The following PI4K2A variants were observed in gnomAD, a reference collection of about 807,000 sequenced individuals.
PI4K2A encodes phosphatidylinositol 4-kinase type 2-alpha.
Under a neutral mutation model 55.0 loss-of-function variants are expected in PI4K2A, and 20 were observed. That is an observed-to-expected ratio of 0.36 (90% CI 0.26 to 0.53). The LOEUF (loss-of-function observed/expected upper bound fraction) is 0.53. PI4K2A is among the 20% of genes least tolerant of loss of function. The pLI is 0.91. For missense variants in PI4K2A, 463 were observed against 637.1 expected, an observed-to-expected ratio of 0.73 and a Z score of 2.94; for synonymous variants, 235 against 258.5, an observed-to-expected ratio of 0.91 and a Z score of 0.87.
exon 1 of PI4K2A, chr10:97,640,938 C>T (rs1308600104): frequency 1.4e-6 from 2 of 1,388,494 alleles, no homozygotes; most frequent in Non-Finnish European, 1.8e-6. Flanking sequence ...GGATCGGGCC[C>T]GGGGCGCGGC....
At chr10:97,663,540 G>C (rs542530457) in intron 5 of PI4K2A, among the ~76,000 whole-genome samples, 56 of 149,664 alleles carry the variant, frequency 3.7e-4, no homozygotes, top group Non-Finnish European at 7.4e-4. Flanking sequence ...TAAGAAACAG[G>C]GTTGGCCGGG....
chr10:97,643,237 C>T (rs1173772410), intron 1 of PI4K2A, among the ~76,000 whole-genome samples: 1 of 152,056 alleles, frequency 6.6e-6, no homozygotes, highest in African/African-American at 2.4e-5. Flanking sequence ...CATCCTCTTG[C>T]CTCAGCCTCC....
At chr10:97,674,574 T>C (rs1188608874) in exon 9 of PI4K2A, 1 of 152,256 alleles carries the variant, frequency 6.6e-6, no homozygotes, top group Admixed American at 6.5e-5. Context: ...TGCCGGGAGC[T>C]AAGTGGTCTA....
At chr10:97,666,916 G>C (rs1439037133) in intron 7 of PI4K2A, 145 bp from the exon 8 acceptor site, 1 of 671,172 alleles carries the variant, frequency 1.5e-6, no homozygotes, top group Non-Finnish European at 2.7e-6. Flanking sequence ...GTAAAGCAGG[G>C]AGTTCTTGTG....
Position 97,656,938 on chromosome 10 carries a change from C to T in PI4K2A, c.886C>T (p.Arg296Trp), listed in dbSNP as rs750236260. ...CCGGCAACTACTGCTCCAGTTTGAG[C>T]GGTTGGTGGTGCTGGATTACATCAT... is the stretch of plus-strand genomic sequence containing the variant. The change falls in exon 4 of 9, where the codon CGG becomes TGG. Residue 296 changes from arginine (R) to tryptophan (W), a missense_variant. Coordinates refer to ENST00000370631, the Ensembl canonical transcript of PI4K2A. This position sits in a 1 kb window ranked among gnomAD's most constrained non-coding sequence, Gnocchi z 4.5. 13 of 1,614,110 alleles carry T rather than the reference C, an allele frequency of 8.1e-6. No individual in the cohort carries two copies. The highest frequency in any genetic ancestry group is 1.1e-5 in the South Asian group (1 of 91,080).
chr10:97,662,768 A>G (rs988719063), intron 4 of PI4K2A, 139 bp from the exon 5 acceptor site: 13 of 663,016 alleles, frequency 2.0e-5, no homozygotes, highest in Non-Finnish European at 3.3e-5. Flanking sequence ...CTTAAAAAAG[A>G]TCTAAAAATA....
chr10:97,645,761 C>T (rs2041502241), intron 1 of PI4K2A, among the ~76,000 whole-genome samples: 1 of 151,650 alleles, frequency 6.6e-6, no homozygotes, highest in Non-Finnish European at 1.5e-5. Context: ...CCCTGTCGCC[C>T]AGGCTGGAGT....
chr10:97,648,517 C>T (rs2041515972), intron 1 of PI4K2A, among the ~76,000 whole-genome samples: 1 of 152,194 alleles, frequency 6.6e-6, no homozygotes, highest in Non-Finnish European at 1.5e-5. Context: ...CCAACTTTTT[C>T]TGTCTTTAAG....
chr10:97,660,403 C>T (rs562461591), intron 4 of PI4K2A, among the ~76,000 whole-genome samples: 1 of 150,206 alleles, frequency 6.7e-6, no homozygotes, highest in Non-Finnish European at 1.5e-5. Context: ...TCAAGTGATT[C>T]TCCTGCCTCA....
chr10:97,665,003 G>A lies in PI4K2A; in HGVS notation c.1084+19G>A, dbSNP rs748338238. ...AGGGCATGTAAGTCTCCAGACAATG[G>A]TGGTCTGGCTCTTCCCTTGCTCAGT... On this transcript the variant is annotated intron_variant, in intron 6 of 8. Transcript: ENST00000370631. The A allele has an allele frequency of 6.2e-6, 9 of 1,456,070 alleles. No individual in the cohort carries two copies. The highest frequency in any genetic ancestry group is 8.7e-6 in the Non-Finnish European group (9 of 1,036,126). The allele number at this position is 1,456,070 out of a possible 1,614,324, so 90.2% of individuals were successfully genotyped here.
chr10:97,662,909 C>A (rs766055659), exon 5 of PI4K2A: 1 of 1,602,788 alleles, frequency 6.2e-7, no homozygotes, highest in South Asian at 1.1e-5. Context: ...GTTCACAGAT[C>A]GAGGCAATGA....
At chr10:97,673,649 G>A (rs751509148) in exon 9 of PI4K2A, 6 of 1,614,104 alleles carry the variant, frequency 3.7e-6, no homozygotes, top group Non-Finnish European at 2.5e-6. Flanking sequence ...TGCCACCTGT[G>A]ATTGTCGAGA....
At chr10:97,653,973 T>C (rs1484768249) in intron 2 of PI4K2A, among the ~76,000 whole-genome samples, 1 of 152,198 alleles carries the variant, frequency 6.6e-6, no homozygotes, top group East Asian at 1.9e-4. Context: ...CTTTGGAAGC[T>C]TAACATATAG....
rs189222653 is a variant in PI4K2A at position 97,643,736 on chromosome 10, C to G, written c.435+2559C>G. On this transcript the variant is annotated intron_variant, in intron 1 of 8. Transcript: ENST00000370631. ...AAATGCTTGCGGTGGGTTAGACTGG[C>G]CCACAGACTTACTGTAGTTGGAATT... Among the ~76,000 whole-genome samples the G allele has an allele frequency of 2.7e-3, 417 of 152,310 alleles. 3 individuals carry two copies. The highest frequency in any genetic ancestry group is 9.7e-3 in the African/African-American group (403 of 41,562).
intron 6 of PI4K2A, 103 bp from the exon 7 acceptor site, chr10:97,666,335 G>A: frequency 3.0e-6 from 3 of 1,004,554 alleles, no homozygotes; most frequent in Admixed American, 2.3e-5. Flanking sequence ...TGTATGTCAG[G>A]GAAGAGGGGT....
At chr10:97,668,462 C>T (rs996119603) in intron 8 of PI4K2A, among the ~76,000 whole-genome samples, 3 of 152,116 alleles carry the variant, frequency 2.0e-5, no homozygotes, top group African/African-American at 7.2e-5. Flanking sequence ...CCTGTAATCC[C>T]AGCTACTCAG....
chr10:97,670,739 T>C (rs1240251642), intron 8 of PI4K2A, among the ~76,000 whole-genome samples: 3 of 152,170 alleles, frequency 2.0e-5, no homozygotes, highest in Non-Finnish European at 2.9e-5. Flanking sequence ...TGTAAGAGGA[T>C]ATTTGTGGCT....
chr10:97,653,580 G>A (rs1430436355), intron 2 of PI4K2A, among the ~76,000 whole-genome samples: 1 of 152,128 alleles, frequency 6.6e-6, no homozygotes, highest in East Asian at 1.9e-4. Flanking sequence ...GAACCTTCAC[G>A]AGGCCTGAGG....
exon 1 of PI4K2A, chr10:97,640,784 A>G (rs770574861): frequency 1.3e-6 from 2 of 1,492,810 alleles, no homozygotes; most frequent in Non-Finnish European, 1.8e-6. Flanking sequence ...AGCGGGCCCA[A>G]CCCCCGGACT....
Sources: gnomAD v4.1 joint callset for allele counts (sites outside exome capture counted in the v4.1 genomes callset) on GRCh38, gnomAD v4.1.1 for gene constraint, Gnocchi (gnomAD v3.1) non-coding constraint, MANE v1.5 for transcripts, NCBI Gene and HGNC (gene_info 2026-07-23, HGNC 2026-07-21) for gene names.